Variants in DACH2 observed in about 807,000 individuals in gnomAD.
DACH2 encodes dachshund homolog 2.
In DACH2, 17 loss-of-function variants were observed where a neutral mutation model predicts 35.8. That is an observed-to-expected ratio of 0.48 (90% CI 0.33 to 0.71). The LOEUF is 0.71. Ranked by LOEUF, DACH2 falls within the 30% of genes least tolerant of loss-of-function variation. DACH2 has a pLI of 0.02. For synonymous variants in DACH2, 195 were observed against 177.3 expected, an observed-to-expected ratio of 1.10 and a Z score of -0.79; for missense variants, 469 against 472.7, an observed-to-expected ratio of 0.99 and a Z score of 0.07.
intron 1 of DACH2, among the ~76,000 whole-genome samples, chrX:86,316,729 G>C (rs895049055): frequency 9.0e-6 from 1 of 111,114 alleles, no homozygotes; most frequent in Admixed American, 9.6e-5. Flanking sequence ...TCTGGTAGAC[G>C]TAAATGGCAT....
At chrX:86,399,713 C>T (rs1420752698) in intron 2 of DACH2, among the ~76,000 whole-genome samples, 1 of 111,963 alleles carries the variant, frequency 8.9e-6, no homozygotes, top group Admixed American at 9.5e-5. Context: ...TTGGCCCCCA[C>T]TCTCTTCTGG....
chrX:86,379,269 T>G (rs1298468015), intron 2 of DACH2, among the ~76,000 whole-genome samples: 1 of 111,373 alleles, frequency 9.0e-6, no homozygotes, highest in Non-Finnish European at 1.9e-5. Flanking sequence ...TTTGAACTTT[T>G]GATAGGCATT....
intron 3 of DACH2, among the ~76,000 whole-genome samples, chrX:86,585,780 A>G (rs1453598640): frequency 9.0e-6 from 1 of 111,520 alleles, no homozygotes; most frequent in Non-Finnish European, 1.9e-5. Flanking sequence ...TCCATGGTGT[A>G]TATGTACCAC....
chrX:86,254,512 A>G (rs1212675576), intron 1 of DACH2, among the ~76,000 whole-genome samples: 5 of 108,819 alleles, frequency 4.6e-5, no homozygotes, highest in Admixed American at 3.0e-4. Flanking sequence ...AAATTCAAAA[A>G]TGACAGCTAA....
intron 2 of DACH2, among the ~76,000 whole-genome samples, chrX:86,467,255 T>A (rs1569412205): frequency 9.0e-6 from 1 of 111,273 alleles, no homozygotes; most frequent in Non-Finnish European, 1.9e-5. Flanking sequence ...ATACCCTAAA[T>A]AATCTCTCTC....
intron 6 of DACH2, among the ~76,000 whole-genome samples, chrX:86,718,751 A>G (rs183279186): frequency 9.0e-6 from 1 of 111,285 alleles, no homozygotes; most frequent in African/African-American, 3.3e-5. Context: ...TCCCCAGTAT[A>G]TGTTCCTGTT....
At chrX:86,541,949 C>A (rs2148299591) in intron 3 of DACH2, among the ~76,000 whole-genome samples, 1 of 111,805 alleles carries the variant, frequency 8.9e-6, no homozygotes, top group South Asian at 3.7e-4. Context: ...TTGAGGATTA[C>A]TAGACAATTG....
chrX:86,223,280 T>C lies in DACH2; in HGVS notation c.488+74172T>C, dbSNP rs184372985. 2.5e-3 allele frequency among the ~76,000 whole-genome samples: 281 copies of C among 112,125 alleles called. 1 individual carries two copies. Among genetic ancestry groups the C allele is most frequent in the African/African-American group, 8.7e-3 (268 of 30,951 alleles). On this transcript the variant is annotated intron_variant, in intron 1 of 11. Coordinates refer to ENST00000373125, the MANE Select transcript of DACH2 (RefSeq NM_053281.3). ...GTGTAATCACATTGCTAGCTTTGTA[T>C]GTTTCATATGTAATATAATGTCTTT...
At chrX:86,571,345 G>C (rs1057503127) in intron 3 of DACH2, among the ~76,000 whole-genome samples, 1 of 109,894 alleles carries the variant, frequency 9.1e-6, no homozygotes, top group Non-Finnish European at 1.9e-5. Context: ...TGTGCACAAC[G>C]TGCAGGTTTG....
At chrX:86,424,838 G>A (rs999553897) in intron 2 of DACH2, among the ~76,000 whole-genome samples, 1 of 110,827 alleles carries the variant, frequency 9.0e-6, no homozygotes, top group Non-Finnish European at 1.9e-5. Context: ...CTTTCATTAC[G>A]AGGCATGTTA....
chrX:86,804,181 G>T (rs1343266), intron 7 of DACH2, among the ~76,000 whole-genome samples: 23,745 of 110,841 alleles, frequency 0.21, 1,990 homozygotes, highest in East Asian at 0.47. Context: ...GGTTCTTCAG[G>T]CTGTACAGGA....
At chrX:86,332,133 C>T (rs1213340705) in intron 1 of DACH2, among the ~76,000 whole-genome samples, 2 of 111,252 alleles carry the variant, frequency 1.8e-5, no homozygotes, top group African/African-American at 6.5e-5. Flanking sequence ...AGTCACTAAG[C>T]TTGGAATCCA....
rs149752069 is a variant in DACH2 at position 86,324,410 on chromosome X, A to T, written c.489-52414A>T. 2.9e-3 allele frequency among the ~76,000 whole-genome samples: 320 copies of T among 110,977 alleles called. 2 individuals carry two copies. The highest frequency in any genetic ancestry group is 0.01 in the African/African-American group (309 of 30,467). On this transcript the variant is annotated intron_variant, in intron 1 of 11. Coordinates refer to ENST00000373125, the MANE Select transcript of DACH2 (RefSeq NM_053281.3). ...GCTGAAATGACAATAAAGTATTTAG[A>T]ATATTATATAAACTTAGTTGATAAA...
intron 1 of DACH2, among the ~76,000 whole-genome samples, chrX:86,301,615 TG>T (rs1271409487): frequency 9.0e-6 from 1 of 111,673 alleles, no homozygotes; most frequent in Admixed American, 9.6e-5. Context: ...CAGAGATGTT[TG>T]GAGGTTAACT....
intron 1 of DACH2, 82 bp downstream of exon 1, chrX:86,149,190 T>G: frequency 1.9e-6 from 2 of 1,057,611 alleles, no homozygotes; most frequent in Admixed American, 6.7e-5. Flanking sequence ...CATCCAACTT[T>G]GTTTGTAGAG....
At chrX:86,270,037 A>ATT (rs1360660733) in intron 1 of DACH2, among the ~76,000 whole-genome samples, 1 of 95,790 alleles carries the variant, frequency 1.0e-5, no homozygotes, top group Non-Finnish European at 2.0e-5. Context: ...ATATATATAT[A>ATT]TATTTTTTTT....
At chrX:86,287,512 G>A (rs958706933) in intron 1 of DACH2, among the ~76,000 whole-genome samples, 2 of 111,114 alleles carry the variant, frequency 1.8e-5, no homozygotes, top group East Asian at 2.8e-4. Context: ...CTTTATGGCC[G>A]GTAACTCTTA....
chrX:86,261,922 A>G (rs1387074358), intron 1 of DACH2, among the ~76,000 whole-genome samples: 1 of 110,948 alleles, frequency 9.0e-6, no homozygotes, highest in Non-Finnish European at 1.9e-5. Flanking sequence ...TTACCTAGAA[A>G]AAGACAATTT....
At chrX:86,785,360 G>T (rs2042127046) in intron 7 of DACH2, among the ~76,000 whole-genome samples, 1 of 110,995 alleles carries the variant, frequency 9.0e-6, no homozygotes. Context: ...AATCACCAAA[G>T]CAGTGATTAA....
Sources: allele counts gnomAD v4.1 joint callset (sites outside exome capture counted in the v4.1 genomes callset), GRCh38; gene constraint gnomAD v4.1.1; transcripts MANE v1.5; gene names NCBI Gene and HGNC (gene_info 2026-07-23, HGNC 2026-07-21).